The following CLYBL variants were observed in gnomAD, a reference collection of about 807,000 sequenced individuals.
The protein encoded by CLYBL is citramalyl-CoA lyase, mitochondrial.
A neutral mutation model predicts 38.9 loss-of-function variants in CLYBL; 31 were observed. That is an observed-to-expected ratio of 0.80 (90% CI 0.60 to 1.08). The LOEUF (loss-of-function observed/expected upper bound fraction) is 1.08, where lower values mean the gene tolerates loss of function less well. Among genes scored for constraint, CLYBL ranks in the 50% least tolerant of loss-of-function variants. CLYBL has a pLI of 0.00. For missense variants in CLYBL, 434 were observed against 411.6 expected (o/e 1.05, Z -0.47); for synonymous variants, 171 against 158.6 (o/e 1.08, Z -0.59).
intron 1 of CLYBL, among the ~76,000 whole-genome samples, chr13:99,656,359 C>T (rs922180159): frequency 2.0e-5 from 3 of 152,150 alleles, no homozygotes; most frequent in Non-Finnish European, 2.9e-5. Context: ...CTTTGGGCTT[C>T]TGTAAAATCT....
At chr13:99,649,056 G>A (rs1332763963) in intron 1 of CLYBL, among the ~76,000 whole-genome samples, 1 of 151,744 alleles carries the variant, frequency 6.6e-6, no homozygotes, top group Non-Finnish European at 1.5e-5. Context: ...GCCCTGGAAC[G>A]TAAATCATTT....
chr13:99,869,899 C>T lies in CLYBL; in HGVS notation c.803-1039C>T, dbSNP rs186517437. Among the ~76,000 whole-genome samples the T allele has an allele frequency of 2.2e-3, 339 of 152,004 alleles. 1 individual carries two copies. The highest frequency in any genetic ancestry group is 7.5e-3 in the African/African-American group (311 of 41,480). On this transcript the variant is annotated intron_variant, in intron 6 of 8. Coordinates refer to ENST00000339105, the MANE Select transcript of CLYBL (RefSeq NM_206808.5). The surrounding 1 kb of genome is among the most constrained non-coding windows in gnomAD (Gnocchi z 4.3). Reference sequence around the variant, plus strand: ...GCCAATTATGTTCATAACTTTATCACGTAACAATATAATCTCATCATTATT... The same window carrying T: ...GCCAATTATGTTCATAACTTTATCATGTAACAATATAATCTCATCATTATT...
chr13:99,834,705 G>A (rs1052623188), intron 2 of CLYBL, among the ~76,000 whole-genome samples: 9 of 152,132 alleles, frequency 5.9e-5, no homozygotes, highest in Non-Finnish European at 5.9e-5. Context: ...GGATGTTCTC[G>A]GTCCTCTGCA....
At chr13:99,703,401 C>A (rs367923339) in intron 1 of CLYBL, among the ~76,000 whole-genome samples, 3 of 152,120 alleles carry the variant, frequency 2.0e-5, no homozygotes, top group African/African-American at 7.2e-5. Context: ...GATGGAGTCT[C>A]ACTCTGTCGC....
Position 99,823,221 on chromosome 13 carries a change from T to C in CLYBL, c.250-35640T>C, listed in dbSNP as rs1315831249. 3.9e-5 allele frequency among the ~76,000 whole-genome samples: 6 copies of C among 152,232 alleles called. No homozygotes were observed. The East Asian group carries it at 1.2e-3, about 29-fold the overall frequency. On this transcript the variant is annotated intron_variant, in intron 2 of 8. Transcript: ENST00000339105. Reference sequence around the variant, plus strand: ...TGTTATACAGTTGATGGGTTTCTTTTCTTTCTTAATTTCTTTAAAAAATAG... The same window carrying C: ...TGTTATACAGTTGATGGGTTTCTTTCCTTTCTTAATTTCTTTAAAAAATAG...
chr13:99,843,106 GT>G (rs1388370486), intron 2 of CLYBL, among the ~76,000 whole-genome samples: 2 of 152,212 alleles, frequency 1.3e-5, no homozygotes, highest in Non-Finnish European at 2.9e-5. Context: ...CATCAGCACA[GT>G]GAGGACTTGA....
chr13:99,738,974 A>C (rs2048708722), intron 1 of CLYBL, among the ~76,000 whole-genome samples: 1 of 152,204 alleles, frequency 6.6e-6, no homozygotes, highest in African/African-American at 2.4e-5. Flanking sequence ...CTCTTTAAAA[A>C]TTCAGGGTTG....
intron 1 of CLYBL, among the ~76,000 whole-genome samples, chr13:99,659,866 G>A (rs2047383819): frequency 6.6e-6 from 1 of 152,136 alleles, no homozygotes; most frequent in Admixed American, 6.5e-5. Context: ...CTGGGCAGGG[G>A]CCTCCTGTAC....
At position 99,703,515 on chromosome 13, in the gene CLYBL, A is replaced by G. The variant is rs146157266; in HGVS notation, c.63-69309A>G. On this transcript the variant is annotated intron_variant, in intron 1 of 8. Transcript: ENST00000339105. ...CTCCCAAGTAGCTGGGACTATAGGC[A>G]CATGCCACCATGCCCAGCTAATTTT... Among the ~76,000 whole-genome samples the G allele has an allele frequency of 8.3e-3, 1,260 of 152,154 alleles. 18 individuals are homozygous for G. The highest frequency in any genetic ancestry group is 0.029 in the African/African-American group (1,193 of 41,516).
intron 2 of CLYBL, 104 bp downstream of exon 2, chr13:99,773,114 C>A (rs2049434932): frequency 2.2e-6 from 2 of 928,136 alleles, no homozygotes; most frequent in East Asian, 5.2e-5. Context: ...CCACACTCAT[C>A]TTTTGCTGAT....
intron 1 of CLYBL, among the ~76,000 whole-genome samples, chr13:99,651,075 C>T (rs565628579): frequency 6.6e-6 from 1 of 152,346 alleles, no homozygotes; most frequent in South Asian, 2.1e-4. Context: ...AATATCTTCT[C>T]TTCTGATGAC....
intron 1 of CLYBL, among the ~76,000 whole-genome samples, chr13:99,612,337 T>G (rs114644514): frequency 0.018 from 2,701 of 151,812 alleles, 64 homozygotes; most frequent in African/African-American, 0.053. Flanking sequence ...TAATTTACCC[T>G]TTACCTTTTT....
At chr13:99,768,412 C>G (rs1444115851) in intron 1 of CLYBL, among the ~76,000 whole-genome samples, 1 of 148,726 alleles carries the variant, frequency 6.7e-6, no homozygotes, top group Admixed American at 6.7e-5. Flanking sequence ...CTAGGCTGGT[C>G]TCAAACTCCT....
At chr13:99,621,191 C>G (rs2046790484) in intron 1 of CLYBL, among the ~76,000 whole-genome samples, 1 of 152,086 alleles carries the variant, frequency 6.6e-6, no homozygotes, top group African/African-American at 2.4e-5. Flanking sequence ...GTGCCCACCC[C>G]CTTGGACAGC....
At chr13:99,614,781 G>A (rs1232278889) in intron 1 of CLYBL, among the ~76,000 whole-genome samples, 1 of 152,080 alleles carries the variant, frequency 6.6e-6, no homozygotes, top group African/African-American at 2.4e-5. Flanking sequence ...CAGGGGGGGA[G>A]GCCGGGACCT....
intron 1 of CLYBL, among the ~76,000 whole-genome samples, chr13:99,634,408 GA>G (rs2046990692): frequency 6.6e-6 from 1 of 152,068 alleles, no homozygotes; most frequent in South Asian, 2.1e-4. Context: ...TCTATAAAAA[GA>G]AATGAACCAG....
At position 99,832,887 on chromosome 13, in the gene CLYBL, TAAAAG is replaced by T. The variant is rs1594210022; in HGVS notation, c.250-25969_250-25965del. 7.4e-5 allele frequency among the ~76,000 whole-genome samples: 11 copies of T among 148,246 alleles called. No individual in the cohort carries two copies. In the South Asian group the frequency reaches 1.5e-3, roughly 20 times the overall value. ...GGGAGAGAAGGAAGAAAAGAAAAAATAAAAGAAAAAAACCCAAAAGAATTCATTAT... is the reference window on the plus strand; with the variant it reads ...GGGAGAGAAGGAAGAAAAGAAAAAATAAAAAAACCCAAAAGAATTCATTAT... On this transcript the variant is annotated intron_variant, in intron 2 of 8. Transcript: ENST00000339105.
At chr13:99,870,763 A>G (rs965068887) in intron 6 of CLYBL, among the ~76,000 whole-genome samples, 175 bp from the exon 7 acceptor site, 1 of 152,178 alleles carries the variant, frequency 6.6e-6, no homozygotes. Flanking sequence ...TATTCTGGAA[A>G]AGCCTGTCTG....
chr13:99,866,048 A>G (rs2051733571), intron 5 of CLYBL, among the ~76,000 whole-genome samples, 192 bp from the exon 6 acceptor site: 1 of 152,206 alleles, frequency 6.6e-6, no homozygotes, highest in African/African-American at 2.4e-5. Flanking sequence ...TTGTCAGTTA[A>G]ACAGACACAT....
Sources: gnomAD v4.1 joint callset for allele counts (sites outside exome capture counted in the v4.1 genomes callset) on GRCh38, gnomAD v4.1.1 for gene constraint, Gnocchi (gnomAD v3.1) non-coding constraint, MANE v1.5 for transcripts, NCBI Gene and HGNC (gene_info 2026-07-23, HGNC 2026-07-21) for gene names.